TTK: variants seen among roughly 807,000 people sequenced by gnomAD.
The protein encoded by TTK is dual specificity protein kinase TTK.
TTK carries 59 observed loss-of-function variants against 117.3 expected under a neutral mutation model. The ratio of observed to expected loss-of-function variants is 0.50; its 90% CI spans 0.41 to 0.62. TTK has a LOEUF of 0.62. Ranked by LOEUF, TTK falls within the 20% of genes least tolerant of loss-of-function variation. The probability of loss-of-function intolerance (pLI) is 0.00; values close to 1 mark genes in which losing one functional copy is unlikely to be tolerated. For missense variants in TTK, 921 were observed against 989.4 expected, an observed-to-expected ratio of 0.93 and a Z score of 0.93; for synonymous variants, 302 against 325.0, an observed-to-expected ratio of 0.93 and a Z score of 0.76.
At chr6:80,034,794 G>A (rs955147323) in intron 14 of TTK, among the ~76,000 whole-genome samples, 191 bp from the exon 15 acceptor site, 2 of 152,074 alleles carry the variant, frequency 1.3e-5, no homozygotes, top group Admixed American at 1.3e-4. Context: ...AGGTCATTGG[G>A]AATGGACTGT....
chr6:80,005,746 C>T (rs1766974401), intron 1 of TTK, 96 bp from the exon 2 acceptor site: 2 of 1,401,038 alleles, frequency 1.4e-6, no homozygotes, highest in East Asian at 2.3e-5. Flanking sequence ...GTTCACAAAA[C>T]GAATGCTTTA....
intron 13 of TTK, among the ~76,000 whole-genome samples, chr6:80,030,850 A>G (rs1383485687): frequency 6.6e-6 from 1 of 152,094 alleles, no homozygotes; most frequent in African/African-American, 2.4e-5. Flanking sequence ...ACCTTAGCAC[A>G]TTGCTTCCTT....
intron 9 of TTK, among the ~76,000 whole-genome samples, chr6:80,014,199 C>G (rs1582092251): frequency 6.6e-6 from 1 of 152,240 alleles, no homozygotes; most frequent in East Asian, 1.9e-4. Context: ...CCCTTTCCAT[C>G]TTTAAGTGAA....
chr6:80,034,556 G>A (rs1582111829), intron 14 of TTK, among the ~76,000 whole-genome samples: 2 of 152,068 alleles, frequency 1.3e-5, no homozygotes, highest in East Asian at 3.9e-4. Flanking sequence ...TCAAACTGCT[G>A]GGCTCAAGCA....
At chr6:80,029,309 G>C (rs994898456) in intron 13 of TTK, among the ~76,000 whole-genome samples, 1 of 152,152 alleles carries the variant, frequency 6.6e-6, no homozygotes, top group Non-Finnish European at 1.5e-5. Flanking sequence ...AATGGTTAAA[G>C]TGGTAAATTT....
At chr6:80,019,400 C>CT (rs1169420029) in intron 10 of TTK, among the ~76,000 whole-genome samples, 2 of 152,192 alleles carry the variant, frequency 1.3e-5, no homozygotes, top group African/African-American at 4.8e-5. Context: ...CTGAAACATG[C>CT]TTTCCCATAA....
Position 80,039,857 on chromosome 6 carries a change from T to C in TTK, c.2292T>C (p.Leu764=). ...IEFPDIPEKD[L]QDVLKCCLKR... Reference sequence around the variant, plus strand: ...TTCCCGATATTCCAGAGAAAGATCTTCAAGATGTGTTAAAGGTAATATTAA... The same window carrying C: ...TTCCCGATATTCCAGAGAAAGATCTCCAAGATGTGTTAAAGGTAATATTAA... The change falls in exon 19 of 22, where the codon CTT becomes CTC. Residue 764 remains leucine (L), a synonymous_variant. Coordinates refer to ENST00000369798, the MANE Select transcript of TTK (RefSeq NM_003318.5). 6.4e-7 allele frequency: 1 copy of C among 1,573,242 alleles called. No homozygotes were observed. The highest frequency in any genetic ancestry group is 1.2e-5 in the South Asian group (1 of 82,050).
intron 10 of TTK, among the ~76,000 whole-genome samples, chr6:80,016,389 G>A (rs532816327): frequency 6.6e-6 from 1 of 151,978 alleles, no homozygotes; most frequent in African/African-American, 2.4e-5. Flanking sequence ...TTAATTTTAG[G>A]CATTCTGATG....
At chr6:80,037,319 A>G (rs1309915716) in intron 17 of TTK, among the ~76,000 whole-genome samples, 1 of 152,082 alleles carries the variant, frequency 6.6e-6, no homozygotes, top group Non-Finnish European at 1.5e-5. Flanking sequence ...ATGGCAGATC[A>G]ATGAGTTGTA....
Position 80,005,866 on chromosome 6 carries a change from G to T in TTK, c.23G>T (p.Gly8Val). 1 of 1,612,834 alleles carries T rather than the reference G, an allele frequency of 6.2e-7. No homozygotes were observed. Among genetic ancestry groups the T allele is most frequent in the Non-Finnish European group, 8.5e-7 (1 of 1,179,646 alleles). The change falls in exon 2 of 22, where the codon GGC (glycine) becomes GTC (valine). Residue 8 changes from glycine (G) to valine (V), a missense_variant. Gly to Val is a moderately radical substitution (Grantham distance 109, BLOSUM62 -3). Transcript: ENST00000369798. ...GAAATGGAATCCGAGGATTTAAGTGGCAGAGAATTGACAATTGATTCCATA... is the reference window on the plus strand; with the variant it reads ...GAAATGGAATCCGAGGATTTAAGTGTCAGAGAATTGACAATTGATTCCATA... MESEDLS[G>V]RELTIDSIMN... is the part of the protein sequence containing the mutation.
chr6:80,009,871 A>C (rs1299888997), intron 4 of TTK, among the ~76,000 whole-genome samples: 2 of 152,204 alleles, frequency 1.3e-5, no homozygotes, highest in African/African-American at 4.8e-5. Flanking sequence ...AGATTCTTAA[A>C]GAAATCTCTG....
intron 11 of TTK, among the ~76,000 whole-genome samples, chr6:80,023,141 A>C (rs1363477612): frequency 6.6e-6 from 1 of 152,188 alleles, no homozygotes; most frequent in Non-Finnish European, 1.5e-5. Flanking sequence ...AAATATAGTA[A>C]AGGCTTTATT....
chr6:80,026,805 T>C (rs571555422), intron 12 of TTK, among the ~76,000 whole-genome samples: 3 of 152,212 alleles, frequency 2.0e-5, no homozygotes, highest in African/African-American at 7.2e-5. Flanking sequence ...AATCATGTAT[T>C]GCCATACAGA....
At chr6:80,016,851 C>T (rs1167410932) in intron 10 of TTK, among the ~76,000 whole-genome samples, 1 of 152,056 alleles carries the variant, frequency 6.6e-6, no homozygotes, top group African/African-American at 2.4e-5. Flanking sequence ...AACAAAGAGC[C>T]ATAAATCTTA....
At chr6:80,036,115 GGA>G (rs1200026357) in intron 16 of TTK, among the ~76,000 whole-genome samples, 1 of 151,968 alleles carries the variant, frequency 6.6e-6, no homozygotes, top group African/African-American at 2.4e-5. Flanking sequence ...GTGGTTAAGA[GGA>G]TAGATTCTGA....
rs781256573 is a variant in TTK at position 80,014,571 on chromosome 6, C to G, written c.1093C>G (p.Leu365Val). 4.4e-6 allele frequency: 7 copies of G among 1,596,138 alleles called. No homozygotes were observed. The highest frequency in any genetic ancestry group is 6.0e-6 in the Non-Finnish European group (7 of 1,172,124). The change falls in exon 10 of 22, where the codon CTA becomes GTA. Residue 365 changes from leucine (L) to valine (V), a missense_variant. By Grantham distance (32) the Leu-to-Val change is conservative. Transcript: ENST00000369798. ...TLKNKTESSLLAKLEETKEYQ... is the reference protein window; with the variant it reads ...TLKNKTESSLVAKLEETKEYQ... ...GAAGAATAAAACGGAATCAAGTCTT[C>G]TAGCTAAATTAGAAGGTAAGAGTAA...
In TTK at chr6:80,020,776, G is replaced by T. The variant is rs544243277; in HGVS notation, c.1109-1548G>T. Among the ~76,000 whole-genome samples, 15 of 152,154 alleles carry T rather than the reference G, an allele frequency of 9.9e-5. No individual in the cohort carries two copies. The South Asian group carries it at 2.7e-3, about 27-fold the overall frequency. ...TGTTGGAAACCATTTCTTCCCTAGCGGGGAGAGGAGCAGCCTATCTTGCTG... is the reference window on the plus strand; with the variant it reads ...TGTTGGAAACCATTTCTTCCCTAGCTGGGAGAGGAGCAGCCTATCTTGCTG... On this transcript the variant is annotated intron_variant, in intron 10 of 21. Transcript: ENST00000369798.
At chr6:80,025,862 T>C (rs1767591231) in intron 11 of TTK, among the ~76,000 whole-genome samples, 2 of 149,438 alleles carry the variant, frequency 1.3e-5, no homozygotes, top group Admixed American at 1.3e-4. Flanking sequence ...ATAGGTTCTT[T>C]TTTTTTTTTT....
chr6:80,005,119 C>CT (rs1241518165), intron 1 of TTK, among the ~76,000 whole-genome samples: 2 of 152,110 alleles, frequency 1.3e-5, no homozygotes, highest in African/African-American at 4.8e-5. Context: ...AACTTTATGA[C>CT]TTTTTTTCAT....
Sources: gnomAD v4.1 joint callset for allele counts (sites outside exome capture counted in the v4.1 genomes callset) on GRCh38, gnomAD v4.1.1 for gene constraint, MANE v1.5 for transcripts, NCBI Gene and HGNC (gene_info 2026-07-23, HGNC 2026-07-21) for gene names.